Variants in ITIH2 observed in about 807,000 individuals in gnomAD.
ITIH2 encodes inter-alpha-trypsin inhibitor heavy chain 2, also known as inter-alpha-trypsin inhibitor heavy chain H2.
In ITIH2, 103 loss-of-function variants were observed where a neutral mutation model predicts 104.4. The observed-to-expected ratio is 0.99, with a 90% CI of 0.84 to 1.16. The LOEUF is 1.16. ITIH2 is among the 50% of genes most tolerant of loss of function. The pLI is 0.00. For missense variants in ITIH2, 1,108 were observed against 1,162.4 expected (o/e 0.95, Z 0.68); for synonymous variants, 436 against 435.4 (o/e 1.00, Z -0.02).
chr10:7,720,297 C>T (rs1298701236), intron 6 of ITIH2, among the ~76,000 whole-genome samples: 1 of 151,892 alleles, frequency 6.6e-6, no homozygotes, highest in Non-Finnish European at 1.5e-5. Context: ...ACAGATTTTT[C>T]AAAATAATTA....
At chr10:7,710,131 C>T (rs900179464) in intron 4 of ITIH2, among the ~76,000 whole-genome samples, 1 of 152,172 alleles carries the variant, frequency 6.6e-6, no homozygotes, top group Non-Finnish European at 1.5e-5. Flanking sequence ...GGATTACAGG[C>T]GTGAGCCACC....
At chr10:7,737,748 A>T (rs1294217863) in intron 15 of ITIH2, among the ~76,000 whole-genome samples, 3 of 21,892 alleles carry the variant, frequency 1.4e-4, no homozygotes, top group South Asian at 1.7e-3. Flanking sequence ...ATTCTATATA[A>T]TATTCTATAT....
chr10:7,727,952 C>A, intron 11 of ITIH2, 124 bp downstream of exon 11: 2 of 1,140,778 alleles, frequency 1.8e-6, no homozygotes, highest in Non-Finnish European at 2.5e-6. Context: ...TAAACCCATG[C>A]TTCCTAAAGG....
At chr10:7,719,135 G>A (rs1009627958) in intron 6 of ITIH2, among the ~76,000 whole-genome samples, 4 of 152,206 alleles carry the variant, frequency 2.6e-5, no homozygotes, top group Admixed American at 6.5e-5. Flanking sequence ...GGAGATGAAA[G>A]GGAATGAATT....
At chr10:7,724,995 C>A (rs11255317) in intron 9 of ITIH2, among the ~76,000 whole-genome samples, 4,949 of 152,074 alleles carry the variant, frequency 0.033, 128 homozygotes, top group African/African-American at 0.063. Flanking sequence ...CTTAGTTCAT[C>A]TATGAGCAAA....
chr10:7,723,918 T>G (rs2130949844), intron 9 of ITIH2, among the ~76,000 whole-genome samples: 1 of 152,330 alleles, frequency 6.6e-6, no homozygotes, highest in Non-Finnish European at 1.5e-5. Flanking sequence ...TATAACCTCT[T>G]CTTTCAAGGA....
Position 7,734,851 on chromosome 10 carries a change from G to T in ITIH2, c.1788-71G>T. ...GACCCCAGCAGTGGTGGGGTGCAGG[G>T]TCAGGGAGCTGACTTGCGCTCCCCC... On this transcript the variant is annotated intron_variant, in intron 14 of 20. Coordinates refer to ENST00000358415, the MANE Select transcript of ITIH2 (RefSeq NM_002216.3). The T allele has an allele frequency of 6.5e-6, 9 of 1,384,580 alleles. No individual in the cohort carries two copies. In the South Asian group the frequency reaches 1.0e-4, roughly 16 times the overall value. 85.8% of individuals were successfully genotyped at this position (1,384,580 alleles called of 1,614,324 possible). A position where few individuals can be genotyped will look rare whatever the true frequency, so the allele number is the denominator to read the frequency against.
intron 3 of ITIH2, among the ~76,000 whole-genome samples, chr10:7,708,038 T>C (rs573400734): frequency 6.6e-6 from 1 of 152,312 alleles, no homozygotes; most frequent in East Asian, 1.9e-4. Context: ...CTGCCCTGAA[T>C]TGGCAGAAAC....
At chr10:7,712,071 T>C (rs1177535658) in intron 4 of ITIH2, among the ~76,000 whole-genome samples, 1 of 152,188 alleles carries the variant, frequency 6.6e-6, no homozygotes, top group Admixed American at 6.5e-5. Context: ...ACCTTCCCCC[T>C]TTTTCTTTAT....
intron 18 of ITIH2, 50 bp downstream of exon 18, chr10:7,744,330 A>G (rs374863120): frequency 1.4e-6 from 2 of 1,407,416 alleles, no homozygotes; most frequent in African/African-American, 2.8e-5. Flanking sequence ...ACACGACTGC[A>G]TAAATAAATC....
At chr10:7,706,116 A>AT (rs901616882) in intron 2 of ITIH2, among the ~76,000 whole-genome samples, 9 of 151,730 alleles carry the variant, frequency 5.9e-5, no homozygotes, top group East Asian at 5.8e-4. Flanking sequence ...AAAATCCAGG[A>AT]TTTTTTTTTG....
chr10:7,731,731 A>C (rs1473557833), intron 12 of ITIH2, 80 bp from the exon 13 acceptor site: 1 of 1,071,308 alleles, frequency 9.3e-7, no homozygotes, highest in Non-Finnish European at 1.3e-6. Flanking sequence ...TCTCAAAATA[A>C]ATAAATAAAT....
At chr10:7,724,782 A>G (rs545611843) in intron 9 of ITIH2, among the ~76,000 whole-genome samples, 1 of 152,026 alleles carries the variant, frequency 6.6e-6, no homozygotes, top group East Asian at 1.9e-4. Context: ...TCTATGGTCT[A>G]TTTGCTAAAT....
In ITIH2 at chr10:7,731,993, T is replaced by A. The variant is rs1055864856; in HGVS notation, c.1644T>A (p.Thr548=). 5.6e-6 allele frequency: 9 copies of A among 1,611,658 alleles called. No homozygotes were observed. The highest frequency in any genetic ancestry group is 7.6e-6 in the Non-Finnish European group (9 of 1,178,214). Reference sequence around the variant, plus strand: ...AAATAGAGAGCGTTATCACGGCGACTTCGGTACTTCCACTTATCCATTTAT... The same window carrying A: ...AAATAGAGAGCGTTATCACGGCGACATCGGTACTTCCACTTATCCATTTAT... ...LDQIESVITA[T]SANTQLVLET... Residue 548 remains threonine (T), a synonymous_variant, in exon 13 of 21, where the codon ACT becomes ACA. Transcript: ENST00000358415.
chr10:7,721,647 A>G lies in ITIH2; in HGVS notation c.739-2A>G. ...AGGCTCTGATGTCACCGTTCTTTCTAGGCGCACGTCTCCTTCAAGCCCACG... is the reference window on the plus strand; with the variant it reads ...AGGCTCTGATGTCACCGTTCTTTCTGGGCGCACGTCTCCTTCAAGCCCACG... On this transcript the variant is annotated splice_acceptor_variant, in intron 7 of 20. Coordinates refer to ENST00000358415, the MANE Select transcript of ITIH2 (RefSeq NM_002216.3). LOFTEE classifies it high-confidence loss of function. 2 of 1,613,242 alleles carry G rather than the reference A, an allele frequency of 1.2e-6. No homozygotes were observed. Among genetic ancestry groups the G allele is most frequent in the Non-Finnish European group, 1.7e-6 (2 of 1,179,442 alleles).
At position 7,717,789 on chromosome 10, in the gene ITIH2, G is replaced by T; in HGVS notation, c.630+1G>T. 6.2e-7 allele frequency: 1 copy of T among 1,607,258 alleles called. No homozygotes were observed. Among genetic ancestry groups the T allele is most frequent in the South Asian group, 1.1e-5 (1 of 90,878 alleles). ...TGGACGGCTGGCCAAACACTTAGAG[G>T]TAAGCCTGGATCTGTAGGGTGGGCA... is the stretch of plus-strand genomic sequence containing the variant. On this transcript the variant is annotated splice_donor_variant, in intron 6 of 20. Coordinates refer to ENST00000358415, the MANE Select transcript of ITIH2 (RefSeq NM_002216.3). LOFTEE classifies it high-confidence loss of function.
intron 16 of ITIH2, among the ~76,000 whole-genome samples, chr10:7,740,482 C>T (rs1171197054): frequency 6.6e-6 from 1 of 152,172 alleles, no homozygotes; most frequent in Admixed American, 6.5e-5. Flanking sequence ...CCTTTCTGAC[C>T]AGCAGTTTCT....
At chr10:7,746,416 C>A (rs1179295957) in intron 19 of ITIH2, among the ~76,000 whole-genome samples, 177 bp from the exon 20 acceptor site, 1 of 152,036 alleles carries the variant, frequency 6.6e-6, no homozygotes, top group African/African-American at 2.4e-5. Context: ...GTGAGCAGCA[C>A]AAATGTGCTC....
intron 15 of ITIH2, among the ~76,000 whole-genome samples, chr10:7,737,000 A>G (rs1437817778): frequency 6.6e-6 from 1 of 152,082 alleles, no homozygotes; most frequent in African/African-American, 2.4e-5. Context: ...CCCTTCTTCA[A>G]TTTTGTTGAA....
Sources: gnomAD v4.1 joint callset for allele counts (sites outside exome capture counted in the v4.1 genomes callset) on GRCh38, gnomAD v4.1.1 for gene constraint, MANE v1.5 for transcripts, NCBI Gene and HGNC (gene_info 2026-07-23, HGNC 2026-07-21) for gene names.